CCIN: variants seen among roughly 807,000 people sequenced by gnomAD.
The protein encoded by CCIN is testis tissue sperm-binding protein Li 65n.
In CCIN, 15 loss-of-function variants were observed where a neutral mutation model predicts 32.2. The observed-to-expected ratio is 0.47, with a 90% confidence interval of 0.31 to 0.72. The LOEUF is 0.72. Among genes scored for constraint, CCIN ranks in the 30% least tolerant of loss-of-function variants. The pLI, the probability that CCIN is intolerant of heterozygous loss-of-function variation, is 0.05. For synonymous variants in CCIN, 302 were observed against 297.4 expected, an observed-to-expected ratio of 1.02 and a Z score of -0.16; for missense variants, 623 against 759.4, an observed-to-expected ratio of 0.82 and a Z score of 2.11.
In CCIN at chr9:36,170,390, A is replaced by C. The variant is rs145737420; in HGVS notation, c.888A>C (p.Gly296=). The C allele has an allele frequency of 3.9e-5, 63 of 1,614,140 alleles. No homozygotes were observed. In the African/African-American group the frequency reaches 7.2e-4, roughly 18 times the overall value. The change falls in exon 1 of 1, where the codon GGA becomes GGC. Residue 296 remains glycine, a synonymous_variant. Coordinates refer to ENST00000335119, the MANE Select transcript of CCIN (RefSeq NM_005893.3). ...AGGCCCACGGCCAGTTCAATGATGG[A>C]GTGTTTGCTTATATCATCCAGGAGA... ...GQKAHGQFND[G]VFAYIIQENL... is the part of the protein sequence containing the mutation.
chr9:36,171,296 T>G lies in CCIN; in HGVS notation c.*27T>G, dbSNP rs1204620785. On this transcript the variant is annotated 3_prime_UTR_variant, in exon 1 of 1. Coordinates refer to ENST00000335119, the MANE Select transcript of CCIN (RefSeq NM_005893.3). ...CATTTTAAGTGGGAGAATAAGTAAA[T>G]GCATTATTATTCACGATTTAATGAG... The G allele has an allele frequency of 1.9e-6, 3 of 1,595,898 alleles. No homozygotes were observed. Among genetic ancestry groups the G allele is most frequent in the Non-Finnish European group, 2.6e-6 (3 of 1,171,874 alleles).
In CCIN at chr9:36,170,477, T is replaced by C. The variant is rs1826296025; in HGVS notation, c.975T>C (p.Ala325=). 1.2e-6 allele frequency: 2 copies of C among 1,614,178 alleles called. No homozygotes were observed. The highest frequency in any genetic ancestry group is 2.7e-5 in the African/African-American group (2 of 75,080). Residue 325 remains alanine (A), a synonymous_variant, in exon 1 of 1, where the codon GCT becomes GCC. Coordinates refer to ENST00000335119, the MANE Select transcript of CCIN (RefSeq NM_005893.3). ...CAGCAGCACTTAGTGCCACCTCTGC[T>C]GGTCGCTACATCTACATCTCTGGTG... The part of the protein sequence containing the change: ...YRAAALSATS[A]GRYIYISGGT...
Position 36,171,195 on chromosome 9 carries a change from C to G in CCIN, c.1693C>G (p.Pro565Ala). The part of the protein sequence containing the change: ...QKTGKWKTLA[P>A]PPEALDCPAC... ...GACAGGCAAGTGGAAGACCCTGGCT[C>G]CTCCACCAGAGGCACTGGACTGTCC... The change falls in exon 1 of 1, where the codon CCT becomes GCT. Residue 565 changes from proline to alanine, a missense_variant. Transcript: ENST00000335119. 1 of 1,614,186 alleles carries G rather than the reference C, an allele frequency of 6.2e-7. No individual in the cohort carries two copies.
Position 36,171,105 on chromosome 9 carries a change from A to G in CCIN, c.1603A>G (p.Thr535Ala). 6.2e-7 allele frequency: 1 copy of G among 1,614,186 alleles called. No homozygotes were observed. The highest frequency in any genetic ancestry group is 8.5e-7 in the Non-Finnish European group (1 of 1,180,024). The change falls in exon 1 of 1, where the codon ACT (threonine) becomes GCT (alanine). Residue 535 changes from threonine (T) to alanine (A), a missense_variant. Coordinates refer to ENST00000335119, the MANE Select transcript of CCIN (RefSeq NM_005893.3). The stretch of plus-strand genomic sequence containing the variant: ...GGTGTTTGTATGTGGGGGTGTCACC[A>G]CTGCCAGCGATGTCCAGACAAAGGA... The part of the protein sequence containing the change: ...SKVFVCGGVT[T>A]ASDVQTKDYT...
rs1426095582 is a variant in CCIN, at chr9:36,169,871, C to T, written c.369C>T (p.Phe123=). The change falls in exon 1 of 1, where the codon TTC becomes TTT. Residue 123 remains phenylalanine (F), a synonymous_variant. Transcript: ENST00000335119. Reference sequence around the variant, plus strand: ...GCCTTCGAGTTCACTGTAACGACTTCCTTATTAAGTCCATCTGCCGTGCCA... The same window carrying T: ...GCCTTCGAGTTCACTGTAACGACTTTCTTATTAAGTCCATCTGCCGTGCCA... ...TPRLRVHCND[F]LIKSICRANC... 4.3e-6 allele frequency: 7 copies of T among 1,614,158 alleles called. No individual in the cohort carries two copies. The highest frequency in any genetic ancestry group is 5.9e-6 in the Non-Finnish European group (7 of 1,180,028).
Position 36,169,461 on chromosome 9 carries a change from C to T in CCIN, c.-42C>T. 6.2e-7 allele frequency: 1 copy of T among 1,601,036 alleles called. No homozygotes were observed. The highest frequency in any genetic ancestry group is 1.3e-5 in the African/African-American group (1 of 74,712). The stretch of plus-strand genomic sequence containing the variant: ...CCACAGGCCTGAGAAAGTCTGCTCT[C>T]CAGTACCTGCTGCTGATCTGTTTCA... On this transcript the variant is annotated 5_prime_UTR_variant, in exon 1 of 1. Coordinates refer to ENST00000335119, the MANE Select transcript of CCIN (RefSeq NM_005893.3).
Position 36,169,656 on chromosome 9 carries a change from C to G in CCIN, c.154C>G (p.Leu52Val), listed in dbSNP as rs751920077. 1 of 1,614,242 alleles carries G rather than the reference C, an allele frequency of 6.2e-7. No individual in the cohort carries two copies. Among genetic ancestry groups the G allele is most frequent in the Admixed American group, 1.7e-5 (1 of 60,026 alleles). Residue 52 changes from leucine to valine, a missense_variant, in exon 1 of 1, where the codon CTG (leucine) becomes GTG (valine). Leu to Val is a conservative substitution (Grantham distance 32, BLOSUM62 1). Transcript: ENST00000335119. ...CAATGTGCTGGCTGCTGTCTCCCCA[C>G]TGGTGAGGAGCCTCATCTCCAGCAA... ...HRNVLAAVSPLVRSLISSNDM... is the reference protein window; with the variant it reads ...HRNVLAAVSPVVRSLISSNDM...
In CCIN at chr9:36,169,692, A is replaced by G. The variant is rs1826281569; in HGVS notation, c.190A>G (p.Thr64Ala). Residue 64 changes from threonine to alanine, a missense_variant, in exon 1 of 1, where the codon ACC (threonine) becomes GCC (alanine). Thr to Ala is a moderately conservative substitution (Grantham distance 58). Transcript: ENST00000335119. The part of the protein sequence containing the change: ...RSLISSNDMK[T>A]ADELFITIDT... ...CCTCATCTCCAGCAATGACATGAAG[A>G]CCGCTGATGAGCTTTTCATCACCAT... 2 of 1,613,994 alleles carry G rather than the reference A, an allele frequency of 1.2e-6. No homozygotes were observed. The highest frequency in any genetic ancestry group is 2.2e-5 in the South Asian group (2 of 91,072).
rs745380793 is a variant in CCIN at position 36,170,110 on chromosome 9, A to G, written c.608A>G (p.Asn203Ser). 1.6e-5 allele frequency: 26 copies of G among 1,614,060 alleles called. No individual in the cohort carries two copies. Among genetic ancestry groups the G allele is most frequent in the Middle Eastern group, 1.6e-4 (1 of 6,084 alleles). ...NEDQALSALI[N>S]WVYFRKEDRE... is the part of the protein sequence containing the mutation. ...GACCAGGCGCTCAGCGCACTCATCA[A>G]TTGGGTGTACTTCCGGAAGGAGGAT... Residue 203 changes from asparagine (N) to serine (S), a missense_variant, in exon 1 of 1, where the codon AAT (asparagine) becomes AGT (serine). Asn to Ser is a conservative substitution (Grantham distance 46). Coordinates refer to ENST00000335119, the MANE Select transcript of CCIN (RefSeq NM_005893.3).
At position 36,170,003 on chromosome 9, in the gene CCIN, G is replaced by A. The variant is rs1397753827; in HGVS notation, c.501G>A (p.Glu167=). The change falls in exon 1 of 1, where the codon GAG becomes GAA. Residue 167 remains glutamate, a synonymous_variant. Coordinates refer to ENST00000335119, the MANE Select transcript of CCIN (RefSeq NM_005893.3). ...RDNFHYWASP[E]GSMHFMRCPP... ...ACTTCCACTACTGGGCCAGTCCTGA[G>A]GGCTCCATGCACTTCATGCGCTGTC... is the stretch of plus-strand genomic sequence containing the variant. 1.2e-6 allele frequency: 2 copies of A among 1,613,966 alleles called. No homozygotes were observed. The highest frequency in any genetic ancestry group is 1.7e-6 in the Non-Finnish European group (2 of 1,180,018).
chr9:36,170,926 A>G lies in CCIN; in HGVS notation c.1424A>G (p.Gln475Arg). 6.2e-7 allele frequency: 1 copy of G among 1,614,220 alleles called. No individual in the cohort carries two copies. Residue 475 changes from glutamine (Q) to arginine (R), a missense_variant, in exon 1 of 1, where the codon CAG (glutamine) becomes CGG (arginine). Gln to Arg is a conservative substitution (Grantham distance 43, BLOSUM62 1). Transcript: ENST00000335119. ...FNHRPLLSFQ[Q>R]DNILCVHSHR... ...CATCGGCCCCTGCTCTCTTTCCAACAGGACAACATCCTCTGCGTGCACAGC... is the reference window on the plus strand; with the variant it reads ...CATCGGCCCCTGCTCTCTTTCCAACGGGACAACATCCTCTGCGTGCACAGC...
Position 36,169,457 on chromosome 9 carries a change from C to T in CCIN, c.-46C>T, listed in dbSNP as rs530362966. On this transcript the variant is annotated 5_prime_UTR_variant, in exon 1 of 1. Transcript: ENST00000335119. ...GATCCCACAGGCCTGAGAAAGTCTG[C>T]TCTCCAGTACCTGCTGCTGATCTGT... is the stretch of plus-strand genomic sequence containing the variant. The T allele has an allele frequency of 9.7e-5, 154 of 1,590,682 alleles. 2 individuals carry two copies. The South Asian group carries it at 1.6e-3, about 17-fold the overall frequency.
chr9:36,169,852 G>C lies in CCIN; in HGVS notation c.350G>C (p.Arg117Pro). 4 of 1,614,146 alleles carry C rather than the reference G, an allele frequency of 2.5e-6. No individual in the cohort carries two copies. Among genetic ancestry groups the C allele is most frequent in the Non-Finnish European group, 3.4e-6 (4 of 1,180,034 alleles). Reference protein sequence around the residue: ...GAQYFNTPRLRVHCNDFLIKS... With the variant: ...GAQYFNTPRLPVHCNDFLIKS... ...CAGTATTTCAACACACCACGCCTTC[G>C]AGTTCACTGTAACGACTTCCTTATT... Residue 117 changes from arginine to proline, a missense_variant, in exon 1 of 1, where the codon CGA (arginine) becomes CCA (proline). By Grantham distance (103) the Arg-to-Pro change is moderately radical. Coordinates refer to ENST00000335119, the MANE Select transcript of CCIN (RefSeq NM_005893.3).
Position 36,170,921 on chromosome 9 carries a change from C to G in CCIN, c.1419C>G (p.Phe473Leu), listed in dbSNP as rs767381158. 6.2e-7 allele frequency: 1 copy of G among 1,614,250 alleles called. No homozygotes were observed. Among genetic ancestry groups the G allele is most frequent in the South Asian group, 1.1e-5 (1 of 91,092 alleles). The change falls in exon 1 of 1, where the codon TTC (phenylalanine) becomes TTG (leucine). Residue 473 changes from phenylalanine to leucine, a missense_variant. Coordinates refer to ENST00000335119, the MANE Select transcript of CCIN (RefSeq NM_005893.3). ...IEFNHRPLLS[F>L]QQDNILCVHS... ...TCAACCATCGGCCCCTGCTCTCTTTCCAACAGGACAACATCCTCTGCGTGC... is the reference window on the plus strand; with the variant it reads ...TCAACCATCGGCCCCTGCTCTCTTTGCAACAGGACAACATCCTCTGCGTGC...
rs1826288435 is a variant in CCIN at position 36,170,053 on chromosome 9, T to C, written c.551T>C (p.Leu184Pro). The change falls in exon 1 of 1, where the codon CTC (leucine) becomes CCC (proline). Residue 184 changes from leucine to proline, a missense_variant. Coordinates refer to ENST00000335119, the MANE Select transcript of CCIN (RefSeq NM_005893.3). ...RCPPVIFGRL[L>P]RDENLHVLNE... ...CCACCTGTTATCTTTGGCCGCCTGCTCCGTGATGAAAACCTTCACGTGCTC... is the reference window on the plus strand; with the variant it reads ...CCACCTGTTATCTTTGGCCGCCTGCCCCGTGATGAAAACCTTCACGTGCTC... 1 of 1,614,154 alleles carries C rather than the reference T, an allele frequency of 6.2e-7. No individual in the cohort carries two copies. The highest frequency in any genetic ancestry group is 1.3e-5 in the African/African-American group (1 of 75,054).
chr9:36,170,686 G>A lies in CCIN; in HGVS notation c.1184G>A (p.Arg395His), dbSNP rs774663624. 22 of 1,614,140 alleles carry A rather than the reference G, an allele frequency of 1.4e-5. No individual in the cohort carries two copies. The highest frequency in any genetic ancestry group is 5.3e-5 in the African/African-American group (4 of 74,938). The change falls in exon 1 of 1, where the codon CGC becomes CAC. Residue 395 changes from arginine to histidine, a missense_variant. Arg to His is a conservative substitution (Grantham distance 29, BLOSUM62 0). Transcript: ENST00000335119. Reference sequence around the variant, plus strand: ...AGGCGGTATGTCTCCAACATCTATCGCTATGATGAGCGGAAGGAAGTCTGG... The same window carrying A: ...AGGCGGTATGTCTCCAACATCTATCACTATGATGAGCGGAAGGAAGTCTGG... ...APRRYVSNIY[R>H]YDERKEVWCL...
rs930631095 is a variant in CCIN at position 36,169,602 on chromosome 9, G to A, written c.100G>A (p.Val34Met). ...AGAGTACTGGGACATGGCCCTGAGT[G>A]TGGACAACCACGTCTTCTTTGCACA... ...RKEYWDMALS[V>M]DNHVFFAHRN... Residue 34 changes from valine (V) to methionine (M), a missense_variant, in exon 1 of 1, where the codon GTG becomes ATG. By Grantham distance (21) the Val-to-Met change is conservative (BLOSUM62 1). Coordinates refer to ENST00000335119, the MANE Select transcript of CCIN (RefSeq NM_005893.3). 7 of 1,614,236 alleles carry A rather than the reference G, an allele frequency of 4.3e-6. No individual in the cohort carries two copies. Among genetic ancestry groups the A allele is most frequent in the Non-Finnish European group, 5.1e-6 (6 of 1,180,038 alleles).
At position 36,170,824 on chromosome 9, in the gene CCIN, G is replaced by A. The variant is rs1158669996; in HGVS notation, c.1322G>A (p.Arg441Gln). The change falls in exon 1 of 1, where the codon CGG (arginine) becomes CAG (glutamine). Residue 441 changes from arginine (R) to glutamine (Q), a missense_variant. Transcript: ENST00000335119. ...TGCTTGGTGAAAGGTTATATCTCCC[G>A]GGTCGGGGTAGTGGACTGCTTTGAC... ...GRCLVKGYIS[R>Q]VGVVDCFDTS... 5.0e-6 allele frequency: 8 copies of A among 1,614,132 alleles called. No homozygotes were observed. The highest frequency in any genetic ancestry group is 2.2e-5 in the South Asian group (2 of 91,090).
In CCIN at chr9:36,170,689, A is replaced by T; in HGVS notation, c.1187A>T (p.Tyr396Phe). 6.2e-7 allele frequency: 1 copy of T among 1,614,290 alleles called. No homozygotes were observed. Among genetic ancestry groups the T allele is most frequent in the Non-Finnish European group, 8.5e-7 (1 of 1,180,056 alleles). The part of the protein sequence containing the change: ...PRRYVSNIYR[Y>F]DERKEVWCLA... ...CGGTATGTCTCCAACATCTATCGCT[A>T]TGATGAGCGGAAGGAAGTCTGGTGC... The change falls in exon 1 of 1, where the codon TAT becomes TTT. Residue 396 changes from tyrosine (Y) to phenylalanine (F), a missense_variant. Tyr to Phe is a conservative substitution (Grantham distance 22, BLOSUM62 3). Coordinates refer to ENST00000335119, the MANE Select transcript of CCIN (RefSeq NM_005893.3).
Sources: gnomAD v4.1 joint callset for allele counts on GRCh38, gnomAD v4.1.1 for gene constraint, MANE v1.5 for transcripts, NCBI Gene and HGNC (gene_info 2026-07-23, HGNC 2026-07-21) for gene names.